The following AGO1 variants were observed in gnomAD, a reference collection of about 807,000 sequenced individuals.
AGO1 encodes the protein argonaute RISC component 1, also known as protein argonaute-1.
A neutral mutation model predicts 109.2 loss-of-function variants in AGO1; 11 were observed. The ratio of observed to expected loss-of-function variants is 0.10; its 90% CI spans 0.06 to 0.17. AGO1 has a LOEUF of 0.17. AGO1 is among the 10% of genes least tolerant of loss of function. The probability of loss-of-function intolerance (pLI) is 1.00; values close to 1 mark genes in which losing one functional copy is unlikely to be tolerated. For missense variants in AGO1, 574 were observed against 1,140.3 expected, an observed-to-expected ratio of 0.50 and a Z score of 7.15; for synonymous variants, 422 against 418.6, an observed-to-expected ratio of 1.01 and a Z score of -0.10.
intron 7 of AGO1, 73 bp downstream of exon 7, chr1:35,894,475 C>A: frequency 1.4e-6 from 2 of 1,423,612 alleles, no homozygotes; most frequent in South Asian, 1.2e-5. Flanking sequence ...TCTTTCCCTC[C>A]CTCCCTCCCC....
At chr1:35,907,612 T>C in intron 12 of AGO1, among the ~76,000 whole-genome samples, 1 of 152,220 alleles carries the variant, frequency 6.6e-6, no homozygotes, top group South Asian at 2.1e-4. Flanking sequence ...AGCACTTTTC[T>C]TTTATGCCAT....
intron 3 of AGO1, 129 bp from the exon 4 acceptor site, chr1:35,892,968 A>G: frequency 9.8e-7 from 1 of 1,025,254 alleles, no homozygotes; most frequent in South Asian, 1.6e-5. Context: ...AAGGGGCTAG[A>G]CTTACTCTGG....
In AGO1 at chr1:35,894,081, A is replaced by G. The variant is rs1266180488; in HGVS notation, c.694A>G (p.Met232Val). The G allele has an allele frequency of 2.5e-6, 4 of 1,581,968 alleles. No homozygotes were observed. Among genetic ancestry groups the G allele is most frequent in the African/African-American group, 1.4e-5 (1 of 73,994 alleles). The change falls in exon 6 of 19, where the codon ATG becomes GTG. Residue 232 changes from methionine (M) to valine (V), a missense_variant. Coordinates refer to ENST00000373204, the MANE Select transcript of AGO1 (RefSeq NM_012199.5). ...FYKAQPVIEF[M>V]CEVLDIRNID... ...TAAGGCACAGCCAGTGATTGAGTTC[A>G]TGTGTGAGGTGCTGGACATCAGGAA...
At chr1:35,909,931 T>C (rs779715844) in intron 12 of AGO1, among the ~76,000 whole-genome samples, 90 of 152,086 alleles carry the variant, frequency 5.9e-4, no homozygotes, top group Non-Finnish European at 1.1e-3. Context: ...TCCAATGTTT[T>C]GGCTTGGGAA....
Position 35,888,631 on chromosome 1 carries a change from C to T in AGO1, c.209+21C>T, listed in dbSNP as rs1645160184. On this transcript the variant is annotated intron_variant, in intron 2 of 18. Transcript: ENST00000373204. This position sits in a 1 kb window ranked among gnomAD's most constrained non-coding sequence, Gnocchi z 4.1. ...AACCGGTAAGTGATGCACACCTAAG[C>T]CACCAAATCTGAAAGACACCAACCT... The T allele has an allele frequency of 6.2e-7, 1 of 1,611,910 alleles. No individual in the cohort carries two copies. Among genetic ancestry groups the T allele is most frequent in the Middle Eastern group, 1.7e-4 (1 of 6,052 alleles).
At chr1:35,894,922 C>T (rs540191018) in intron 7 of AGO1, among the ~76,000 whole-genome samples, 200 bp from the exon 8 acceptor site, 1 of 152,284 alleles carries the variant, frequency 6.6e-6, no homozygotes, top group South Asian at 2.1e-4. Context: ...TCTTGGAGCC[C>T]TGTATGTCCT....
intron 7 of AGO1, among the ~76,000 whole-genome samples, chr1:35,894,788 A>C (rs1645288922): frequency 6.6e-6 from 1 of 152,186 alleles, no homozygotes; most frequent in African/African-American, 2.4e-5. Flanking sequence ...ACCTTAGGCT[A>C]TACTGATTAT....
chr1:35,921,394 C>T lies in AGO1; in HGVS notation c.*1787C>T, dbSNP rs1235875938. 1 of 152,292 alleles carries T rather than the reference C, an allele frequency of 6.6e-6. No individual in the cohort carries two copies. 9.4% of individuals were successfully genotyped at this position (152,292 alleles called of 1,614,324 possible). A position where few individuals can be genotyped will look rare whatever the true frequency, so the allele number is the denominator to read the frequency against. ...TGTTGGCCTTGAAGCAAGCATCCCCCCTGCCCTTTTTCCTTGACTGTTCAT... is the reference window on the plus strand; with the variant it reads ...TGTTGGCCTTGAAGCAAGCATCCCCTCTGCCCTTTTTCCTTGACTGTTCAT... On this transcript the variant is annotated 3_prime_UTR_variant, in exon 19 of 19. Coordinates refer to ENST00000373204, the MANE Select transcript of AGO1 (RefSeq NM_012199.5).
In AGO1 at chr1:35,919,881, A is replaced by C; in HGVS notation, c.*274A>C. The C allele has an allele frequency of 2.3e-6, 1 of 432,458 alleles. No homozygotes were observed. The highest frequency in any genetic ancestry group is 4.2e-6 in the Non-Finnish European group (1 of 238,036). 26.8% of individuals were successfully genotyped at this position (432,458 alleles called of 1,614,324 possible). On this transcript the variant is annotated 3_prime_UTR_variant, in exon 19 of 19. Transcript: ENST00000373204. This position sits in a 1 kb window ranked among gnomAD's most constrained non-coding sequence, Gnocchi z 6.6. Reference sequence around the variant, plus strand: ...ACCCCACTGGACCAAAAGGGGCAGCACTGGTGCCCACCATACACACAGGTG... The same window carrying C: ...ACCCCACTGGACCAAAAGGGGCAGCCCTGGTGCCCACCATACACACAGGTG...
chr1:35,902,408 C>T (rs567113035), intron 11 of AGO1, 71 bp downstream of exon 11: 46 of 1,572,426 alleles, frequency 2.9e-5, no homozygotes, highest in Non-Finnish European at 3.5e-5. Flanking sequence ...CTGTAGTCCA[C>T]AGGGGCTGAT....
chr1:35,904,100 C>T (rs1001403629), intron 11 of AGO1, among the ~76,000 whole-genome samples: 1 of 149,450 alleles, frequency 6.7e-6, no homozygotes, highest in Non-Finnish European at 1.5e-5. Context: ...TGTCTCCTTT[C>T]CTGAGCTCTT....
Position 35,930,020 on chromosome 1 carries a change from T to C in AGO1, c.*10413T>C, listed in dbSNP as rs1249438005. 1 of 152,162 alleles carries C rather than the reference T, an allele frequency of 6.6e-6. No individual in the cohort carries two copies. The highest frequency in any genetic ancestry group is 1.5e-5 in the Non-Finnish European group (1 of 68,020). The allele number at this position is 152,162 out of a possible 1,614,324, so 9.4% of individuals were successfully genotyped here. A position where few individuals can be genotyped will look rare whatever the true frequency, so the allele number is the denominator to read the frequency against. ...AAATTATTTTGATTAAAAAAAACCG[T>C]ATTACTGAAGCATAGGGACATGGGG... On this transcript the variant is annotated 3_prime_UTR_variant, in exon 19 of 19. Transcript: ENST00000373204.
In AGO1 at chr1:35,883,354, G is replaced by A; in HGVS notation, c.-68G>A. The A allele has an allele frequency of 6.4e-7, 1 of 1,568,758 alleles. No individual in the cohort carries two copies. Among genetic ancestry groups the A allele is most frequent in the Non-Finnish European group, 8.6e-7 (1 of 1,161,382 alleles). ...GGGATCCCGAGCAGCGAGAGTGTGG[G>A]GTACCTAGGCCCCTCACGCTGGACT... On this transcript the variant is annotated 5_prime_UTR_variant, in exon 1 of 19. Coordinates refer to ENST00000373204, the MANE Select transcript of AGO1 (RefSeq NM_012199.5). The surrounding 1 kb of genome is among the most constrained non-coding windows in gnomAD (Gnocchi z 5.4).
intron 8 of AGO1, among the ~76,000 whole-genome samples, chr1:35,900,268 T>C (rs142375868): frequency 1.4e-4 from 22 of 152,336 alleles, no homozygotes; most frequent in African/African-American, 4.3e-4. Context: ...ATCTAATTTG[T>C]GTATATTGAG....
In AGO1 at chr1:35,923,338, G is replaced by A. The variant is rs555660904; in HGVS notation, c.*3731G>A. On this transcript the variant is annotated 3_prime_UTR_variant, in exon 19 of 19. Coordinates refer to ENST00000373204, the MANE Select transcript of AGO1 (RefSeq NM_012199.5). ...GCACTCAAGATGGGCAGCCAAGGGT[G>A]CACTGACTATTAGCTGGCCCATAGG... 1 of 152,314 alleles carries A rather than the reference G, an allele frequency of 6.6e-6. No individual in the cohort carries two copies. Among genetic ancestry groups the A allele is most frequent in the African/African-American group, 2.4e-5 (1 of 41,544 alleles). The allele number at this position is 152,314 out of a possible 1,614,324, so 9.4% of individuals were successfully genotyped here.
Position 35,883,552 on chromosome 1 carries a change from G to C in AGO1, c.25+106G>C. ...GGAAGCGCTCCTGAGTGAGGAGAAG[G>C]GCTCTCCCACGATGGGGGCCCAGTT... On this transcript the variant is annotated intron_variant, in intron 1 of 18. Coordinates refer to ENST00000373204, the MANE Select transcript of AGO1 (RefSeq NM_012199.5). The surrounding 1 kb of genome is among the most constrained non-coding windows in gnomAD (Gnocchi z 5.4). 7.1e-7 allele frequency: 1 copy of C among 1,408,840 alleles called. No homozygotes were observed. Among genetic ancestry groups the C allele is most frequent in the South Asian group, 1.6e-5 (1 of 62,690 alleles). The allele number at this position is 1,408,840 out of a possible 1,614,324, so 87.3% of individuals were successfully genotyped here.
At chr1:35,903,852 G>C (rs1645467262) in intron 11 of AGO1, among the ~76,000 whole-genome samples, 1 of 151,150 alleles carries the variant, frequency 6.6e-6, no homozygotes, top group Admixed American at 6.6e-5. Context: ...AGTCCCAGCT[G>C]CTCAGGAGGC....
At chr1:35,900,813 GGC>G (rs1307526633) in intron 8 of AGO1, among the ~76,000 whole-genome samples, 1 of 152,042 alleles carries the variant, frequency 6.6e-6, no homozygotes, top group Non-Finnish European at 1.5e-5. Context: ...GGGAGGCTAA[GGC>G]AGGAGAATTG....
In AGO1 at chr1:35,893,055, A is replaced by ATGGCAATG; in HGVS notation, c.331-42_331-41insTGGCAATG. 1 of 1,582,092 alleles carries ATGGCAATG rather than the reference A, an allele frequency of 6.3e-7. No homozygotes were observed. Among genetic ancestry groups the ATGGCAATG allele is most frequent in the East Asian group, 2.2e-5 (1 of 44,482 alleles). ...ATGGAGTTGGGGGTCATTCTCGCAG[A>ATGGCAATG]GCAATGGCAATCCTTCATCCCTTTC... On this transcript the variant is annotated intron_variant, in intron 3 of 18. Transcript: ENST00000373204. The surrounding 1 kb of genome is among the most constrained non-coding windows in gnomAD (Gnocchi z 5.6).
Sources: allele counts gnomAD v4.1 joint callset (sites outside exome capture counted in the v4.1 genomes callset), GRCh38; gene constraint gnomAD v4.1.1; non-coding constraint Gnocchi (gnomAD v3.1); transcripts MANE v1.5; gene names NCBI Gene and HGNC (gene_info 2026-07-23, HGNC 2026-07-21).